DTWD2: variants seen among roughly 807,000 people sequenced by gnomAD.
DTWD2 encodes tRNA-uridine aminocarboxypropyltransferase 2.
Under a neutral mutation model 31.8 loss-of-function variants are expected in DTWD2, and 39 were observed. The ratio of observed to expected loss-of-function variants is 1.22; its 90% CI spans 0.95 to 1.60. The LOEUF (loss-of-function observed/expected upper bound fraction) is 1.60, where lower values mean the gene tolerates loss of function less well. Ranked by LOEUF, DTWD2 falls within the 40% of genes most tolerant of loss-of-function variation. The pLI is 0.00. For missense variants in DTWD2, 515 were observed against 381.5 expected (o/e 1.35, Z -2.92); for synonymous variants, 180 against 142.8 (o/e 1.26, Z -1.86).
intron 4 of DTWD2, among the ~76,000 whole-genome samples, chr5:118,883,896 A>G (rs1035837252): frequency 2.0e-5 from 3 of 152,186 alleles, no homozygotes; most frequent in Non-Finnish European, 4.4e-5. Context: ...CAAAAATGAC[A>G]CTTGAAAATG....
chr5:118,892,582 A>G (rs1271145126), intron 4 of DTWD2, among the ~76,000 whole-genome samples: 1 of 152,114 alleles, frequency 6.6e-6, no homozygotes, highest in Non-Finnish European at 1.5e-5. Flanking sequence ...TTTTATATAA[A>G]TTATACTTAA....
chr5:118,853,920 A>G (rs997301861), intron 4 of DTWD2, among the ~76,000 whole-genome samples: 54 of 152,298 alleles, frequency 3.5e-4, no homozygotes, highest in African/African-American at 1.3e-3. Context: ...ACTGGGGAAG[A>G]AGATGTGGGG....
chr5:118,964,152 T>C (rs1381486788), intron 1 of DTWD2, among the ~76,000 whole-genome samples: 2 of 146,558 alleles, frequency 1.4e-5, no homozygotes, highest in Admixed American at 7.0e-5. Flanking sequence ...GGAGTTGCGG[T>C]GGTTGCAGTG....
At chr5:118,851,058 C>T (rs1354883499) in intron 4 of DTWD2, among the ~76,000 whole-genome samples, 2 of 151,746 alleles carry the variant, frequency 1.3e-5, no homozygotes, top group African/African-American at 4.8e-5. Context: ...ACCAGCCTGG[C>T]CAACATGGTG....
intron 1 of DTWD2, among the ~76,000 whole-genome samples, chr5:118,965,964 TAAAAGA>T (rs1561474638): frequency 6.8e-6 from 1 of 148,056 alleles, no homozygotes; most frequent in African/African-American, 2.5e-5. Context: ...AATAAATAAA[TAAAAGA>T]AAAAGAAAAA....
chr5:118,883,527 T>C (rs74536564), intron 4 of DTWD2, among the ~76,000 whole-genome samples: 2,448 of 152,250 alleles, frequency 0.016, 80 homozygotes, highest in African/African-American at 0.056. Flanking sequence ...GACTGAGTGA[T>C]TTCTAAACAA....
At chr5:118,870,975 T>C (rs533924334) in intron 4 of DTWD2, among the ~76,000 whole-genome samples, 1 of 149,832 alleles carries the variant, frequency 6.7e-6, no homozygotes, top group African/African-American at 2.4e-5. Flanking sequence ...ACTAAGCTTA[T>C]ATAATATTCT....
chr5:118,965,919 C>T (rs1371371118), intron 1 of DTWD2, among the ~76,000 whole-genome samples: 1 of 150,144 alleles, frequency 6.7e-6, no homozygotes, highest in Non-Finnish European at 1.5e-5. Context: ...CGAGAAACAC[C>T]CAAGAATGAT....
At position 118,973,766 on chromosome 5, in the gene DTWD2, G is replaced by A. The variant is rs200893829; in HGVS notation, c.218+14528C>T. ...CTGAACTCTCGCTTTCTTTTTAATC[G>A]CCTGCATCGGATCACCGGCGTGCCC... On this transcript the variant is annotated intron_variant, in intron 1 of 5. Transcript: ENST00000510708. The A allele has an allele frequency of 3.3e-4, 536 of 1,609,650 alleles. 10 individuals are homozygous for A. The South Asian group carries it at 5.3e-3, about 16-fold the overall frequency.
chr5:118,988,201 C>T, intron 1 of DTWD2, 93 bp downstream of exon 1: 1 of 1,473,220 alleles, frequency 6.8e-7, no homozygotes, highest in Non-Finnish European at 9.2e-7. Context: ...AATCGCAGAG[C>T]TGCCCGAGCC....
intron 1 of DTWD2, among the ~76,000 whole-genome samples, chr5:118,963,930 C>T (rs1002495645): frequency 1.3e-5 from 2 of 152,178 alleles, no homozygotes; most frequent in Non-Finnish European, 1.5e-5. Context: ...CATTTGCAGG[C>T]CAGGTGCAGT....
At chr5:118,841,228 A>G (rs769425913) in intron 5 of DTWD2, 141 bp from the exon 6 acceptor site, 61 of 801,452 alleles carry the variant, frequency 7.6e-5, no homozygotes, top group Middle Eastern at 3.4e-4. Flanking sequence ...AGGCACTCTG[A>G]TAAATATATA....
intron 4 of DTWD2, among the ~76,000 whole-genome samples, chr5:118,914,206 T>C (rs1252797709): frequency 6.6e-6 from 1 of 152,188 alleles, no homozygotes; most frequent in Non-Finnish European, 1.5e-5. Flanking sequence ...GGGTCTAATG[T>C]AAGCATTTCT....
At chr5:118,863,744 G>C (rs879546929) in intron 4 of DTWD2, among the ~76,000 whole-genome samples, 1 of 152,102 alleles carries the variant, frequency 6.6e-6, no homozygotes, top group Admixed American at 6.5e-5. Context: ...CCCTAATATT[G>C]TACATTTACA....
chr5:118,892,660 T>C (rs1251322925), intron 4 of DTWD2, among the ~76,000 whole-genome samples: 2 of 152,088 alleles, frequency 1.3e-5, no homozygotes, highest in Non-Finnish European at 2.9e-5. Context: ...AACAACAAAT[T>C]TGTGGGAAAG....
At position 118,941,647 on chromosome 5, in the gene DTWD2, A is replaced by G. The variant is rs527687083; in HGVS notation, c.310-2357T>C. ...AGTGCTGCAATAAACATACGTGTGC[A>G]TGTGTCTTTATAGCAGCATGATTTA... On this transcript the variant is annotated intron_variant, in intron 2 of 5. Transcript: ENST00000510708. Among the ~76,000 whole-genome samples the G allele has an allele frequency of 2.0e-5, 3 of 152,296 alleles. No individual in the cohort carries two copies. In the East Asian group the frequency reaches 5.8e-4, roughly 29 times the overall value.
At chr5:118,885,801 T>TA (rs1561441436) in intron 4 of DTWD2, among the ~76,000 whole-genome samples, 1 of 150,770 alleles carries the variant, frequency 6.6e-6, no homozygotes, top group East Asian at 1.9e-4. Flanking sequence ...AAAATAAATA[T>TA]AAAAAATAAA....
intron 5 of DTWD2, among the ~76,000 whole-genome samples, chr5:118,843,339 G>GAGGGAGGCAGGGAGGGAGGA (rs1751767570): frequency 3.6e-5 from 5 of 137,084 alleles, no homozygotes; most frequent in Non-Finnish European, 7.6e-5. Flanking sequence ...GCGAGGGAGG[G>GAGGGAGGCAGGGAGGGAGGA]AGGGAGGCAG....
intron 3 of DTWD2, among the ~76,000 whole-genome samples, chr5:118,929,538 G>A (rs1270085835): frequency 1.3e-5 from 2 of 151,608 alleles, no homozygotes; most frequent in Non-Finnish European, 2.9e-5. Flanking sequence ...GGCATCCCTG[G>A]GGTCTCTCTG....
Sources: allele counts gnomAD v4.1 joint callset (sites outside exome capture counted in the v4.1 genomes callset), GRCh38; gene constraint gnomAD v4.1.1; transcripts MANE v1.5; gene names NCBI Gene and HGNC (gene_info 2026-07-23, HGNC 2026-07-21).